Variants in CFAP54 observed in about 807,000 individuals in gnomAD.
CFAP54 encodes cilia and flagella associated protein 54.
CFAP54 carries 290 observed loss-of-function variants against 370.4 expected under a neutral mutation model. That is an observed-to-expected ratio of 0.78 (90% CI 0.71 to 0.86). The LOEUF (loss-of-function observed/expected upper bound fraction) is 0.86, where lower values mean the gene tolerates loss of function less well. CFAP54 is among the 40% of genes least tolerant of loss of function. The pLI is 0.00. For missense variants in CFAP54, 3,399 were observed against 3,528.7 expected, an observed-to-expected ratio of 0.96 and a Z score of 0.93; for synonymous variants, 1,206 against 1,236.5, an observed-to-expected ratio of 0.98 and a Z score of 0.52.
At chr12:96,581,247 C>G (rs1383292178) in intron 22 of CFAP54, 142 bp downstream of exon 22, 3 of 539,630 alleles carry the variant, frequency 5.6e-6, no homozygotes, top group South Asian at 8.6e-5. Flanking sequence ...ACAGTTTTGT[C>G]TCATAAAATA....
chr12:96,552,652 A>G (rs1955708014), intron 15 of CFAP54, among the ~76,000 whole-genome samples: 1 of 152,110 alleles, frequency 6.6e-6, no homozygotes, highest in African/African-American at 2.4e-5. Flanking sequence ...CCTTAGTAAT[A>G]GTAATCTAAA....
intron 13 of CFAP54, among the ~76,000 whole-genome samples, chr12:96,539,064 G>GTTTTTTTTTGTTTTTTTTT (rs1955540388): frequency 8.9e-6 from 1 of 111,832 alleles, no homozygotes; most frequent in South Asian, 3.2e-4. Flanking sequence ...GCCTTTTCAG[G>GTTTTTTTTTGTTTTTTTTT]TTTTTTTTTT....
At position 96,521,844 on chromosome 12, in the gene CFAP54, T is replaced by A; in HGVS notation, c.943-13T>A. 1 of 1,482,448 alleles carries A rather than the reference T, an allele frequency of 6.7e-7. No individual in the cohort carries two copies. The highest frequency in any genetic ancestry group is 9.0e-7 in the Non-Finnish European group (1 of 1,106,984). 91.8% of individuals were successfully genotyped at this position (1,482,448 alleles called of 1,614,324 possible). On this transcript the variant is annotated splice_polypyrimidine_tract_variant and intron_variant, in intron 6 of 67. Transcript: ENST00000524981. ...TCTGATTTATGAATTAAATTTATTT[T>A]AATCACATGTAGGCATTTGCTCGGC...
chr12:96,848,013 A>G (rs75195923), intron 66 of CFAP54, among the ~76,000 whole-genome samples: 1,742 of 152,278 alleles, frequency 0.011, 81 homozygotes, highest in East Asian at 0.11. Flanking sequence ...TCTCTCCTAC[A>G]TCTTCTAATT....
At chr12:96,509,079 G>A (rs903690499) in intron 4 of CFAP54, among the ~76,000 whole-genome samples, 8 of 152,140 alleles carry the variant, frequency 5.3e-5, no homozygotes, top group African/African-American at 1.9e-4. Context: ...AGGGACACAG[G>A]AGTGGACAGT....
Position 96,663,915 on chromosome 12 carries a change from A to G in CFAP54, c.5546A>G (p.Lys1849Arg). 4 of 1,612,356 alleles carry G rather than the reference A, an allele frequency of 2.5e-6. No homozygotes were observed. Among genetic ancestry groups the G allele is most frequent in the Non-Finnish European group, 3.4e-6 (4 of 1,178,840 alleles). The change falls in exon 39 of 68, where the codon AAA (lysine) becomes AGA (arginine). Residue 1849 changes from lysine (K) to arginine (R), a missense_variant. Lys to Arg is a conservative substitution (Grantham distance 26). Around this residue, in one of 3 missense-constraint regions of CFAP54, gnomAD observed 2,796 missense variants for 2,869.7 expected, o/e 0.97. Coordinates refer to ENST00000524981, the MANE Select transcript of CFAP54 (RefSeq NM_001306084.2). Reference sequence around the variant, plus strand: ...ACAAGCAACTGCACAGATTTGCTAAAAATGCTTATCTCTTCAGGTCAGAAC... The same window carrying G: ...ACAAGCAACTGCACAGATTTGCTAAGAATGCTTATCTCTTCAGGTCAGAAC... Reference protein sequence around the residue: ...EATSNCTDLLKMLISSEYSRA... With the variant: ...EATSNCTDLLRMLISSEYSRA...
intron 63 of CFAP54, among the ~76,000 whole-genome samples, chr12:96,794,417 G>A (rs1958735511): frequency 6.6e-6 from 1 of 150,720 alleles, no homozygotes; most frequent in South Asian, 2.1e-4. Flanking sequence ...AAACTTCTTG[G>A]AGATGTTGTT....
At chr12:96,792,628 AT>A (rs775419241) in intron 63 of CFAP54, 129 bp downstream of exon 63, 51 of 592,226 alleles carry the variant, frequency 8.6e-5, no homozygotes, top group Non-Finnish European at 1.3e-4. Flanking sequence ...TATAATCTAC[AT>A]TGTCTAGTAG....
At chr12:96,677,606 G>A (rs1012257898) in intron 39 of CFAP54, among the ~76,000 whole-genome samples, 1 of 152,140 alleles carries the variant, frequency 6.6e-6, no homozygotes, top group African/African-American at 2.4e-5. Context: ...GAGGGAGATG[G>A]TGGGGACAGG....
intron 19 of CFAP54, chr12:96,573,080 C>T (rs1328064316): frequency 1.1e-6 from 1 of 949,358 alleles, no homozygotes; most frequent in African/African-American, 1.8e-5. Context: ...ACTATAAGGG[C>T]CAGTGGGCCA....
chr12:96,699,984 T>C lies in CFAP54; in HGVS notation c.6365T>C (p.Ile2122Thr). The C allele has an allele frequency of 6.3e-6, 10 of 1,578,372 alleles. No individual in the cohort carries two copies. Among genetic ancestry groups the C allele is most frequent in the Middle Eastern group, 1.7e-4 (1 of 5,952 alleles). Residue 2122 changes from isoleucine (I) to threonine (T), a missense_variant, in exon 46 of 68, where the codon ATA becomes ACA. By Grantham distance (89) the Ile-to-Thr change is moderately conservative (BLOSUM62 -1). Coordinates refer to ENST00000524981, the MANE Select transcript of CFAP54 (RefSeq NM_001306084.2). ...TTTCCTTTACAGATAGAAGTCCTTATAGATTTGAGATTCTTTTCTGAAGCC... is the reference window on the plus strand; with the variant it reads ...TTTCCTTTACAGATAGAAGTCCTTACAGATTTGAGATTCTTTTCTGAAGCC... ...EARILKIEVL[I>T]DLRFFSEAFY...
chr12:96,782,430 A>G (rs1261428400), intron 60 of CFAP54, among the ~76,000 whole-genome samples: 2 of 152,176 alleles, frequency 1.3e-5, no homozygotes, highest in African/African-American at 4.8e-5. Flanking sequence ...AAGTACAGGC[A>G]ATAAAAATAT....
chr12:96,691,237 C>G lies in CFAP54; in HGVS notation c.6191C>G (p.Ala2064Gly). The change falls in exon 44 of 68, where the codon GCT (alanine) becomes GGT (glycine). Residue 2064 changes from alanine to glycine, a missense_variant. Physicochemically the swap from Ala to Gly is moderately conservative, Grantham distance 60. Transcript: ENST00000524981. ...GAACTCTTCTCAGATAGATACAGGGCTGACATTTGCTCTGTAATTGCAAGT... is the reference window on the plus strand; with the variant it reads ...GAACTCTTCTCAGATAGATACAGGGGTGACATTTGCTCTGTAATTGCAAGT... ...GIELFSDRYRADICSVIASLY... is the reference protein window; with the variant it reads ...GIELFSDRYRGDICSVIASLY... 6.2e-7 allele frequency: 1 copy of G among 1,613,106 alleles called. No individual in the cohort carries two copies. The highest frequency in any genetic ancestry group is 8.5e-7 in the Non-Finnish European group (1 of 1,179,560).
At chr12:96,795,551 A>C (rs965822721) in intron 63 of CFAP54, among the ~76,000 whole-genome samples, 5 of 151,914 alleles carry the variant, frequency 3.3e-5, no homozygotes, top group African/African-American at 4.8e-5. Flanking sequence ...ACAGGTTGCC[A>C]GGGAAGTGGA....
intron 38 of CFAP54, among the ~76,000 whole-genome samples, chr12:96,659,489 G>T (rs1402657823): frequency 6.6e-6 from 1 of 151,788 alleles, no homozygotes; most frequent in East Asian, 1.9e-4. Flanking sequence ...AAAATAAGAA[G>T]AAAAAAATAA....
chr12:96,602,594 T>G (rs1190174985), intron 26 of CFAP54, among the ~76,000 whole-genome samples: 1 of 152,158 alleles, frequency 6.6e-6, no homozygotes, highest in East Asian at 1.9e-4. Context: ...GGAGTCTAAG[T>G]CTCTTTGTAG....
chr12:96,605,934 A>C (rs1274912061), intron 26 of CFAP54, among the ~76,000 whole-genome samples: 3 of 152,210 alleles, frequency 2.0e-5, no homozygotes, highest in Non-Finnish European at 4.4e-5. Flanking sequence ...AATTGGTTGA[A>C]TGTAAGACAA....
chr12:96,611,593 T>C (rs894819852), intron 26 of CFAP54, among the ~76,000 whole-genome samples: 4 of 152,180 alleles, frequency 2.6e-5, no homozygotes, highest in Non-Finnish European at 5.9e-5. Flanking sequence ...TTCTCCAAGC[T>C]AAGGGAGGAA....
intron 60 of CFAP54, among the ~76,000 whole-genome samples, chr12:96,778,303 A>T (rs1190518847): frequency 1.3e-5 from 2 of 152,166 alleles, no homozygotes; most frequent in African/African-American, 4.8e-5. Context: ...TTTTGTGTAC[A>T]TTTCTCTAAC....
Sources: gnomAD v4.1 joint callset for allele counts (sites outside exome capture counted in the v4.1 genomes callset) on GRCh38, gnomAD v4.1.1 for gene constraint, gnomAD v4.1.1 regional missense constraint, MANE v1.5 for transcripts, NCBI Gene and HGNC (gene_info 2026-07-23, HGNC 2026-07-21) for gene names.